The following HDAC9 variants were observed in gnomAD, a reference collection of about 807,000 sequenced individuals.
HDAC9 encodes histone deacetylase 9, also known as MEF-2 interacting transcription repressor (MITR) protein.
A neutral mutation model predicts 139.4 loss-of-function variants in HDAC9; 41 were observed. The ratio of observed to expected loss-of-function variants is 0.29; its 90% CI spans 0.23 to 0.38. The LOEUF is 0.38. HDAC9 is among the 10% of genes least tolerant of loss of function. The pLI is 1.00. For missense variants in HDAC9, 1,147 were observed against 1,297.0 expected (o/e 0.88, Z 1.78); for synonymous variants, 517 against 476.2 (o/e 1.09, Z -1.12).
At chr7:18,648,782 C>A in intron 11 of HDAC9, 99 bp downstream of exon 11, 1 of 999,822 alleles carries the variant, frequency 1.0e-6, no homozygotes, top group Admixed American at 2.2e-5. Context: ...TGATGGGAGT[C>A]ACAGCAAAAA....
At position 18,212,585 on chromosome 7, in the gene HDAC9, T is replaced by A. The variant is rs373433960; in HGVS notation, c.25+50236T>A. ...ACTCATCTGTAAAATGGGATAATAA[T>A]TGTACCAGCCTCCTAGGATAGGTAA... On this transcript the variant is annotated intron_variant, in intron 2 of 12. Transcript: ENST00000417496. Among the ~76,000 whole-genome samples the A allele has an allele frequency of 7.9e-5, 12 of 152,336 alleles. No homozygotes were observed. The East Asian group carries it at 2.3e-3, about 29-fold the overall frequency.
intron 22 of HDAC9, among the ~76,000 whole-genome samples, chr7:18,929,002 C>T (rs1465874899): frequency 2.0e-5 from 3 of 151,630 alleles, no homozygotes; most frequent in African/African-American, 7.3e-5. Context: ...TAAAATAAAG[C>T]TAGTTAAGGT....
At chr7:18,466,076 A>G (rs1278093505) in intron 1 of HDAC9, among the ~76,000 whole-genome samples, 1 of 152,226 alleles carries the variant, frequency 6.6e-6, no homozygotes, top group African/African-American at 2.4e-5. Flanking sequence ...CTTGTTGCTC[A>G]TGCAAGTTGG....
intron 2 of HDAC9, among the ~76,000 whole-genome samples, chr7:18,526,386 G>A (rs557594721): frequency 6.6e-6 from 1 of 152,192 alleles, no homozygotes; most frequent in South Asian, 2.1e-4. Context: ...AATACTAAAG[G>A]GGTGGTATTT....
At chr7:18,101,112 C>T (rs1429008308) in intron 1 of HDAC9, among the ~76,000 whole-genome samples, 4 of 152,174 alleles carry the variant, frequency 2.6e-5, no homozygotes, top group Non-Finnish European at 1.5e-5. Flanking sequence ...CTGATCATTA[C>T]ACTGCTGAAT....
At chr7:18,883,764 G>A (rs1217096360) in intron 22 of HDAC9, among the ~76,000 whole-genome samples, 3 of 151,908 alleles carry the variant, frequency 2.0e-5, no homozygotes. Context: ...GTTTCCAAAT[G>A]ACATGATTTT....
At chr7:18,631,920 G>A (rs542751432) in intron 7 of HDAC9, among the ~76,000 whole-genome samples, 1 of 151,984 alleles carries the variant, frequency 6.6e-6, no homozygotes, top group Non-Finnish European at 1.5e-5. Context: ...TACAGTAGTT[G>A]TTGCCCTGAA....
intron 1 of HDAC9, among the ~76,000 whole-genome samples, chr7:18,126,760 T>G (rs1784699216): frequency 6.6e-6 from 1 of 152,178 alleles, no homozygotes; most frequent in Non-Finnish European, 1.5e-5. Context: ...TTACTAGTGC[T>G]GGCTGTCAAT....
At chr7:18,189,344 G>A (rs189710921) in intron 2 of HDAC9, among the ~76,000 whole-genome samples, 1 of 152,094 alleles carries the variant, frequency 6.6e-6, no homozygotes, top group Admixed American at 6.5e-5. Flanking sequence ...GCCTGTTGAG[G>A]GGTGGGGGGT....
At chr7:18,290,528 A>G (rs1797736902) in intron 1 of HDAC9, 1 of 456,470 alleles carries the variant, frequency 2.2e-6, no homozygotes, top group Non-Finnish European at 4.4e-6. Context: ...AAGTTTCTTT[A>G]TTTTAATCTT....
intron 1 of HDAC9, among the ~76,000 whole-genome samples, chr7:18,422,673 T>A (rs148954601): frequency 2.8e-4 from 42 of 151,192 alleles, no homozygotes; most frequent in African/African-American, 8.8e-4. Context: ...ACTGTGGGGT[T>A]TGGACTTGGA....
chr7:18,904,572 CTTTTTTTTTT>C (rs71017010), intron 22 of HDAC9, among the ~76,000 whole-genome samples: 1 of 71,942 alleles, frequency 1.4e-5, no homozygotes, highest in Non-Finnish European at 2.4e-5. Context: ...CTCCCCATTT[CTTTTTTTTTT>C]TTTTTTTTTT....
At chr7:18,714,603 G>C (rs1784572343) in intron 12 of HDAC9, among the ~76,000 whole-genome samples, 1 of 152,200 alleles carries the variant, frequency 6.6e-6, no homozygotes, top group Non-Finnish European at 1.5e-5. Context: ...CTTTCCACAT[G>C]CTATGCTGTC....
intron 21 of HDAC9, among the ~76,000 whole-genome samples, chr7:18,856,833 A>G (rs1433826852): frequency 6.6e-6 from 1 of 152,144 alleles, no homozygotes; most frequent in African/African-American, 2.4e-5. Flanking sequence ...CTGTCACCTC[A>G]ATTCATTCCC....
At chr7:18,400,406 A>G (rs1194039706) in intron 1 of HDAC9, among the ~76,000 whole-genome samples, 1 of 152,176 alleles carries the variant, frequency 6.6e-6, no homozygotes, top group African/African-American at 2.4e-5. Context: ...ACAATACTGA[A>G]GTGGAAGACA....
chr7:18,592,008 A>G (rs891136797), intron 5 of HDAC9, among the ~76,000 whole-genome samples: 2 of 152,148 alleles, frequency 1.3e-5, no homozygotes, highest in African/African-American at 2.4e-5. Flanking sequence ...TCCATTCTCA[A>G]CTGGTGCATT....
chr7:18,427,854 A>G (rs1409417225), intron 1 of HDAC9, among the ~76,000 whole-genome samples: 1 of 152,116 alleles, frequency 6.6e-6, no homozygotes, highest in Non-Finnish European at 1.5e-5. Context: ...TTCACCGTGC[A>G]TAACTGAAAT....
chr7:18,384,658 A>G (rs1361624601), intron 1 of HDAC9, among the ~76,000 whole-genome samples: 3 of 152,156 alleles, frequency 2.0e-5, no homozygotes, highest in Admixed American at 6.5e-5. Flanking sequence ...TCACTGATGC[A>G]GAAAGCAGCA....
At chr7:18,495,681 T>A, upstream of HDAC9, 1 of 930,914 alleles carries the variant, frequency 1.1e-6, no homozygotes, top group Non-Finnish European at 1.3e-6. Context: ...CATGCTGTTG[T>A]TGATTCATAT....
Sources: gnomAD v4.1 joint callset for allele counts (sites outside exome capture counted in the v4.1 genomes callset) on GRCh38, gnomAD v4.1.1 for gene constraint, MANE v1.5 for transcripts, NCBI Gene and HGNC (gene_info 2026-07-23, HGNC 2026-07-21) for gene names.